The following UBE2A variants were observed in gnomAD, a reference collection of about 807,000 sequenced individuals.
UBE2A encodes the protein ubiquitin conjugating enzyme E2 A.
For synonymous variants in UBE2A, 39 were observed against 41.1 expected, an observed-to-expected ratio of 0.95 and a Z score of 0.20; for missense variants, 27 against 125.8, an observed-to-expected ratio of 0.21 and a Z score of 3.76.
At position 119,583,296 on chromosome X, in the gene UBE2A, T is replaced by C. The variant is rs1603309545; in HGVS notation, c.*41T>C. 6 of 1,205,963 alleles carry C rather than the reference T, an allele frequency of 5.0e-6. No homozygotes were observed. The highest frequency in any genetic ancestry group is 6.7e-6 in the Non-Finnish European group (6 of 892,694). ...AAAGAAGCTGGCCATAAGAAAAATA[T>C]ATATTGATGTGTTTGTCACCTCCCT... On this transcript the variant is annotated 3_prime_UTR_variant, in exon 6 of 6. Transcript: ENST00000371558.
At chrX:119,575,154 C>CA in intron 2 of UBE2A, 173 bp downstream of exon 2, 1 of 761,882 alleles carries the variant, frequency 1.3e-6, no homozygotes, top group Non-Finnish European at 1.9e-6. Flanking sequence ...TTCCCGCTGC[C>CA]AGGGGGAACC....
intron 3 of UBE2A, among the ~76,000 whole-genome samples, chrX:119,578,535 ATTAC>A (rs1455835961): frequency 9.0e-6 from 1 of 111,705 alleles, no homozygotes; most frequent in Non-Finnish European, 1.9e-5. Context: ...AGTTTTGGAT[ATTAC>A]TTGAAAAATC....
chrX:119,580,436 T>C (rs1010869467), intron 3 of UBE2A: 1 of 112,232 alleles, frequency 8.9e-6, no homozygotes, highest in Non-Finnish European at 1.9e-5. Context: ...CACTGAAGTA[T>C]GGTCTGTTGT....
At chrX:119,576,504 TACACACAC>T (rs748580325) in intron 3 of UBE2A, among the ~76,000 whole-genome samples, 3 of 107,303 alleles carry the variant, frequency 2.8e-5, no homozygotes, top group African/African-American at 6.8e-5. Flanking sequence ...ATAGCATTTA[TACACACAC>T]ACACACACAC....
chrX:119,580,287 C>T (rs770283610), intron 3 of UBE2A: 1 of 112,064 alleles, frequency 8.9e-6, no homozygotes, highest in Non-Finnish European at 1.9e-5. Context: ...TTGCTAAAAA[C>T]AAACTTTTTG....
At chrX:119,580,614 T>G (rs2053443853) in intron 3 of UBE2A, 1 of 112,268 alleles carries the variant, frequency 8.9e-6, no homozygotes, top group Non-Finnish European at 1.9e-5. Flanking sequence ...AAATAATATT[T>G]TAAAGGACAT....
chrX:119,576,676 A>G (rs2053418115), intron 3 of UBE2A, among the ~76,000 whole-genome samples: 1 of 112,019 alleles, frequency 8.9e-6, no homozygotes, highest in Non-Finnish European at 1.9e-5. Flanking sequence ...CATCTCAAGT[A>G]CTTAGATTTC....
At chrX:119,579,448 A>C (rs2053437418) in intron 3 of UBE2A, among the ~76,000 whole-genome samples, 1 of 112,332 alleles carries the variant, frequency 8.9e-6, no homozygotes, top group Non-Finnish European at 1.9e-5. Flanking sequence ...AAACTTTAGA[A>C]TTATTATAGC....
chrX:119,576,411 G>A (rs935105482), intron 3 of UBE2A, among the ~76,000 whole-genome samples: 3 of 110,467 alleles, frequency 2.7e-5, no homozygotes, highest in Non-Finnish European at 5.7e-5. Context: ...TTGAACTCAT[G>A]AAATTCTTTA....
chrX:119,574,593 C>T lies in UBE2A; in HGVS notation c.-119C>T, dbSNP rs999089635. 55 of 974,462 alleles carry T rather than the reference C, an allele frequency of 5.6e-5. No individual in the cohort carries two copies. Among genetic ancestry groups the T allele is most frequent in the Non-Finnish European group, 6.7e-5 (47 of 705,832 alleles). The allele number at this position is 974,462 out of a possible 1,213,427, so 80.3% of individuals were successfully genotyped here. On this transcript the variant is annotated 5_prime_UTR_variant, in exon 1 of 6. Coordinates refer to ENST00000371558, the MANE Select transcript of UBE2A (RefSeq NM_003336.4). ...GACCCTCGACTTCGGAGAGGCAGCG[C>T]GGTTCCTCTGGGTGCTTCCGCCTCC...
Position 119,574,765 on chromosome X carries a change from G to C in UBE2A, c.44+10G>C. Reference sequence around the variant, plus strand: ...TGCGGGACTTCAAGAGGTAAACCGAGGGGACGGCCGAGGCCGGGGGTTGCG... The same window carrying C: ...TGCGGGACTTCAAGAGGTAAACCGACGGGACGGCCGAGGCCGGGGGTTGCG... On this transcript the variant is annotated intron_variant, in intron 1 of 5. Coordinates refer to ENST00000371558, the MANE Select transcript of UBE2A (RefSeq NM_003336.4). 1 of 1,188,582 alleles carries C rather than the reference G, an allele frequency of 8.4e-7. No individual in the cohort carries two copies.
chrX:119,574,780 CG>C, intron 1 of UBE2A, 25 bp downstream of exon 1: 1 of 1,182,691 alleles, frequency 8.5e-7, no homozygotes, highest in Non-Finnish European at 1.1e-6. Context: ...CGGCCGAGGC[CG>C]GGGGTTGCGA....
intron 4 of UBE2A, 40 bp from the exon 5 acceptor site, chrX:119,582,548 G>GCACT (rs771408135): frequency 9.7e-7 from 1 of 1,027,426 alleles, no homozygotes; most frequent in African/African-American, 1.9e-5. Context: ...AAACCTTAGT[G>GCACT]GTCTTGTTAC....
At chrX:119,582,995 C>G in intron 5 of UBE2A, 132 bp from the exon 6 acceptor site, 1 of 818,138 alleles carries the variant, frequency 1.2e-6, no homozygotes, top group Non-Finnish European at 1.8e-6. Context: ...CTAGCAGATT[C>G]ACATAACTCT....
chrX:119,581,427 A>T, intron 3 of UBE2A, 80 bp from the exon 4 acceptor site: 1 of 716,628 alleles, frequency 1.4e-6, no homozygotes, highest in South Asian at 2.4e-5. Flanking sequence ...ACTTGGAAAA[A>T]CCCACATAGC....
chrX:119,575,604 T>TA (rs56726502), intron 3 of UBE2A: 143,251 of 361,776 alleles, frequency 0.4, 17,152 homozygotes, highest in East Asian at 0.59. Context: ...CTTGCTTTCT[T>TA]AAAAAAAAAA....
chrX:119,581,243 CA>C, intron 3 of UBE2A: 1 of 238,493 alleles, frequency 4.2e-6, no homozygotes, highest in Non-Finnish European at 7.5e-6. Context: ...TCAAAATGTA[CA>C]GTGGCTAAAA....
At chrX:119,575,328 A>C in intron 2 of UBE2A, 47 bp from the exon 3 acceptor site, 1 of 1,210,338 alleles carries the variant, frequency 8.3e-7, no homozygotes, top group Non-Finnish European at 1.1e-6. Flanking sequence ...AAGCAGGGAG[A>C]AGGGGGCCCC....
chrX:119,582,845 G>A (rs748399565), intron 5 of UBE2A, among the ~76,000 whole-genome samples, 169 bp downstream of exon 5: 5 of 110,498 alleles, frequency 4.5e-5, no homozygotes, highest in African/African-American at 6.6e-5. Context: ...GGGTACAGTC[G>A]CTCACACCTG....
Sources: allele counts gnomAD v4.1 joint callset (sites outside exome capture counted in the v4.1 genomes callset), GRCh38; gene constraint gnomAD v4.1.1; transcripts MANE v1.5; gene names NCBI Gene and HGNC (gene_info 2026-07-23, HGNC 2026-07-21).